The following PTPRN2 variants were observed in gnomAD, a reference collection of about 807,000 sequenced individuals.
The protein encoded by PTPRN2 is receptor-type tyrosine-protein phosphatase N2.
In PTPRN2, 74 loss-of-function variants were observed where a neutral mutation model predicts 118.8. That is an observed-to-expected ratio of 0.62 (90% CI 0.52 to 0.76). The LOEUF (loss-of-function observed/expected upper bound fraction) is 0.76. Among genes scored for constraint, PTPRN2 ranks in the 30% least tolerant of loss-of-function variants. The pLI is 0.00. For synonymous variants in PTPRN2, 641 were observed against 608.0 expected (o/e 1.05, Z -0.80); for missense variants, 1,481 against 1,394.4 (o/e 1.06, Z -0.99).
At position 158,189,761 on chromosome 7, in the gene PTPRN2, C is replaced by T. The variant is rs952294047; in HGVS notation, c.549+2566G>A. Reference sequence around the variant, plus strand: ...GTCTGGGGACGTGACGTCACGGCGCCGTTACAGAAGCCTGAAATCTCCCAG... The same window carrying T: ...GTCTGGGGACGTGACGTCACGGCGCTGTTACAGAAGCCTGAAATCTCCCAG... On this transcript the variant is annotated intron_variant, in intron 5 of 22. Coordinates refer to ENST00000389418, the MANE Select transcript of PTPRN2 (RefSeq NM_002847.5). Among the ~76,000 whole-genome samples, 11 of 152,214 alleles carry T rather than the reference C, an allele frequency of 7.2e-5. No individual in the cohort carries two copies. In the South Asian group the frequency reaches 8.3e-4, roughly 11 times the overall value.
intron 12 of PTPRN2, among the ~76,000 whole-genome samples, chr7:157,797,021 G>C (rs1051527281): frequency 5.9e-5 from 9 of 152,194 alleles, no homozygotes; most frequent in African/African-American, 1.9e-4. Flanking sequence ...ACGAACTCAC[G>C]GCTCAGCTGG....
rs112268038 is a variant in PTPRN2, at chr7:157,847,411, C to T, written c.1788+51262G>A. 1.5e-3 allele frequency among the ~76,000 whole-genome samples: 227 copies of T among 151,418 alleles called. 3 individuals carry two copies. The highest frequency in any genetic ancestry group is 5.3e-3 in the African/African-American group (218 of 40,980). ...TCACGTGTGCCCAATGTTTACAGAG[C>T]CCTCTCTCACTCCATCAGGTGTGCC... On this transcript the variant is annotated intron_variant, in intron 12 of 22. Coordinates refer to ENST00000389418, the MANE Select transcript of PTPRN2 (RefSeq NM_002847.5).
intron 2 of PTPRN2, among the ~76,000 whole-genome samples, chr7:158,453,863 G>A (rs1818259847): frequency 6.6e-6 from 1 of 151,932 alleles, no homozygotes; most frequent in Non-Finnish European, 1.5e-5. Flanking sequence ...CACATTCTAG[G>A]TGGGGACAGA....
chr7:158,327,330 C>T (rs1225794381), intron 2 of PTPRN2, among the ~76,000 whole-genome samples: 1 of 151,562 alleles, frequency 6.6e-6, no homozygotes, highest in African/African-American at 2.4e-5. Context: ...CACATGCACA[C>T]ACGTGCTCAC....
chr7:158,244,967 G>A (rs780922623), intron 3 of PTPRN2, among the ~76,000 whole-genome samples: 1 of 152,222 alleles, frequency 6.6e-6, no homozygotes, highest in Non-Finnish European at 1.5e-5. Context: ...CCTGAGCGAG[G>A]CCAGCAGTTC....
rs368864680 is a variant in PTPRN2 at position 158,260,757 on chromosome 7, C to T, written c.278-55484G>A. On this transcript the variant is annotated intron_variant, in intron 3 of 22. Coordinates refer to ENST00000389418, the MANE Select transcript of PTPRN2 (RefSeq NM_002847.5). ...GGCTGGCATTTCCAGAAAACACCCT[C>T]GCTGCCACGCCTACACAAGGGGAAG... 1.9e-4 allele frequency among the ~76,000 whole-genome samples: 29 copies of T among 152,254 alleles called. 1 individual carries two copies. The East Asian group carries it at 5.4e-3, about 29-fold the overall frequency.
At chr7:157,873,305 G>A (rs924024560) in intron 12 of PTPRN2, among the ~76,000 whole-genome samples, 3 of 152,232 alleles carry the variant, frequency 2.0e-5, no homozygotes, top group Non-Finnish European at 2.9e-5. Flanking sequence ...GAAAGCAGCC[G>A]CCTGGCCTGA....
intron 1 of PTPRN2, among the ~76,000 whole-genome samples, chr7:158,556,369 C>T (rs971530025): frequency 1.3e-5 from 2 of 151,956 alleles, no homozygotes; most frequent in African/African-American, 4.8e-5. Context: ...GTCTGGGCAA[C>T]ATAGTGAAAC....
intron 20 of PTPRN2, among the ~76,000 whole-genome samples, chr7:157,570,597 G>A (rs1306114129): frequency 1.3e-5 from 2 of 152,212 alleles, no homozygotes; most frequent in Non-Finnish European, 2.9e-5. Flanking sequence ...ATTAGGTTGA[G>A]TTTTCTTTGC....
intron 6 of PTPRN2, among the ~76,000 whole-genome samples, chr7:158,157,901 G>C (rs889350443): frequency 2.0e-5 from 3 of 152,226 alleles, no homozygotes; most frequent in African/African-American, 7.2e-5. Context: ...AAGGCACTTT[G>C]ATAACATAGG....
rs2128839917 is a variant in PTPRN2 at position 157,987,758 on chromosome 7, A to G, written c.1724-89021T>C. Among the ~76,000 whole-genome samples, 2 of 152,316 alleles carry G rather than the reference A, an allele frequency of 1.3e-5. 1 individual carries two copies. The highest frequency in any genetic ancestry group is 4.1e-4 in the South Asian group (2 of 4,826). On this transcript the variant is annotated intron_variant, in intron 11 of 22. Coordinates refer to ENST00000389418, the MANE Select transcript of PTPRN2 (RefSeq NM_002847.5). The surrounding 1 kb of genome is among the most constrained non-coding windows in gnomAD (Gnocchi z 4.3). Reference sequence around the variant, plus strand: ...CAGTTACAGAGCGGATGGGGGACTAAGAACATCCATTCTGCAGAAAGTGGG... The same window carrying G: ...CAGTTACAGAGCGGATGGGGGACTAGGAACATCCATTCTGCAGAAAGTGGG...
chr7:157,623,300 T>C (rs1233264310), intron 14 of PTPRN2, among the ~76,000 whole-genome samples: 1 of 152,194 alleles, frequency 6.6e-6, no homozygotes, highest in Non-Finnish European at 1.5e-5. Flanking sequence ...GAAAGGATAG[T>C]CCCAGTCTGT....
At chr7:158,215,301 G>T (rs543626281) in intron 3 of PTPRN2, among the ~76,000 whole-genome samples, 1 of 152,084 alleles carries the variant, frequency 6.6e-6, no homozygotes, top group Admixed American at 6.5e-5. Context: ...TAAAACAGTA[G>T]GAATTACTCA....
rs562200944 is a variant in PTPRN2 at position 158,220,852 on chromosome 7, A to G, written c.278-15579T>C. On this transcript the variant is annotated intron_variant, in intron 3 of 22. Coordinates refer to ENST00000389418, the MANE Select transcript of PTPRN2 (RefSeq NM_002847.5). ...CATCATTTTTCACAGAATTAGAAAA[A>G]AAAAAGAATTATAAAATTCATATGG... Among the ~76,000 whole-genome samples, 3 of 152,100 alleles carry G rather than the reference A, an allele frequency of 2.0e-5. No individual in the cohort carries two copies. In the East Asian group the frequency reaches 5.8e-4, roughly 29 times the overall value.
rs1344596254 is a variant in PTPRN2, at chr7:158,331,666, G to C, written c.164-14734C>G. Among the ~76,000 whole-genome samples the C allele has an allele frequency of 1.2e-3, 118 of 95,034 alleles. 3 individuals are homozygous for C. Among genetic ancestry groups the C allele is most frequent in the Middle Eastern group, 0.011 (1 of 92 alleles). The allele number at this position is 95,034 out of a possible 152,430, so 62.3% of individuals were successfully genotyped here. ...GACACCTGCAGACGTCACTCACGCC[G>C]ACACTCTCACCATAAGAGGTGACAC... On this transcript the variant is annotated intron_variant, in intron 2 of 22. Transcript: ENST00000389418.
At chr7:158,096,552 AGACGG>A (rs1814639124) in intron 10 of PTPRN2, among the ~76,000 whole-genome samples, 1 of 152,258 alleles carries the variant, frequency 6.6e-6, no homozygotes, top group Non-Finnish European at 1.5e-5. Context: ...CTCATCTTAA[AGACGG>A]GACGGGGAGT....
intron 12 of PTPRN2, among the ~76,000 whole-genome samples, chr7:157,891,651 CT>C (rs1286506511): frequency 6.6e-6 from 1 of 152,028 alleles, no homozygotes; most frequent in Non-Finnish European, 1.5e-5. Flanking sequence ...TTTTAAGGGA[CT>C]TTTGGGATCC....
intron 11 of PTPRN2, among the ~76,000 whole-genome samples, chr7:157,899,324 G>A (rs917561351): frequency 6.6e-6 from 1 of 152,158 alleles, no homozygotes; most frequent in South Asian, 2.1e-4. Flanking sequence ...AATTGCACTC[G>A]ATGGCAAACC....
At position 157,713,014 on chromosome 7, in the gene PTPRN2, G is replaced by A. The variant is rs762473931; in HGVS notation, c.1789-30077C>T. 6.5e-4 allele frequency among the ~76,000 whole-genome samples: 99 copies of A among 152,164 alleles called. 1 individual carries two copies. Among genetic ancestry groups the A allele is most frequent in the Non-Finnish European group, 2.5e-4 (17 of 68,034 alleles). ...CATGGTACTTGGTGAGGGCGGCCTC[G>A]GGCAGCTCACACATGGGCCACACAG... is the stretch of plus-strand genomic sequence containing the variant. On this transcript the variant is annotated intron_variant, in intron 12 of 22. Transcript: ENST00000389418.
Sources: gnomAD v4.1 joint callset for allele counts (sites outside exome capture counted in the v4.1 genomes callset) on GRCh38, gnomAD v4.1.1 for gene constraint, Gnocchi (gnomAD v3.1) non-coding constraint, MANE v1.5 for transcripts, NCBI Gene and HGNC (gene_info 2026-07-23, HGNC 2026-07-21) for gene names.